The following VWC2 variants were observed in gnomAD, a reference collection of about 807,000 sequenced individuals.
VWC2 encodes the protein brorin.
In VWC2, 14 loss-of-function variants were observed where a neutral mutation model predicts 29.8. The observed-to-expected ratio is 0.47, with a 90% CI of 0.31 to 0.74. The LOEUF (loss-of-function observed/expected upper bound fraction) is 0.74, where lower values mean the gene tolerates loss of function less well. Among genes scored for constraint, VWC2 ranks in the 30% least tolerant of loss-of-function variants. The pLI is 0.05. For synonymous variants in VWC2, 213 were observed against 199.0 expected (o/e 1.07, Z -0.59); for missense variants, 457 against 459.8 (o/e 0.99, Z 0.05).
intron 3 of VWC2, among the ~76,000 whole-genome samples, chr7:49,865,162 A>T (rs1192524569): frequency 6.6e-6 from 1 of 152,228 alleles, no homozygotes; most frequent in East Asian, 1.9e-4. Flanking sequence ...AGAATATGCC[A>T]GTTCAGGAAG....
intron 3 of VWC2, among the ~76,000 whole-genome samples, chr7:49,859,607 A>C (rs2128719670): frequency 6.6e-6 from 1 of 152,284 alleles, no homozygotes; most frequent in African/African-American, 2.4e-5. Flanking sequence ...TGGGCTTTCC[A>C]TTCTGTTACA....
intron 3 of VWC2, among the ~76,000 whole-genome samples, chr7:49,822,246 C>A (rs1165457768): frequency 6.6e-6 from 1 of 151,818 alleles, no homozygotes; most frequent in African/African-American, 2.4e-5. Flanking sequence ...ATTGTTAATG[C>A]AGTTATGCCC....
At chr7:49,906,503 T>G (rs1489004671) in intron 3 of VWC2, among the ~76,000 whole-genome samples, 1 of 152,082 alleles carries the variant, frequency 6.6e-6, no homozygotes, top group East Asian at 1.9e-4. Flanking sequence ...ACCCAGCTAA[T>G]TTTTTTGTAT....
chr7:49,910,834 G>A (rs1414106569), intron 3 of VWC2, among the ~76,000 whole-genome samples: 1 of 152,136 alleles, frequency 6.6e-6, no homozygotes, highest in African/African-American at 2.4e-5. Context: ...CCCCAAACAA[G>A]CAGCATCCAC....
At chr7:49,877,290 C>T (rs1208266876) in intron 3 of VWC2, among the ~76,000 whole-genome samples, 3 of 150,190 alleles carry the variant, frequency 2.0e-5, no homozygotes, top group Admixed American at 6.6e-5. Context: ...GGGGGAGCCC[C>T]GTGTCTACTA....
At chr7:49,798,802 T>G (rs1026288642) in intron 2 of VWC2, among the ~76,000 whole-genome samples, 1 of 152,212 alleles carries the variant, frequency 6.6e-6, no homozygotes, top group African/African-American at 2.4e-5. Flanking sequence ...TTGTTTTATT[T>G]TGCTACTTTA....
Position 49,917,615 on chromosome 7 carries a change from C to G in VWC2, c.*5430C>G, listed in dbSNP as rs1469908758. On this transcript the variant is annotated 3_prime_UTR_variant, in exon 4 of 4. Coordinates refer to ENST00000340652, the MANE Select transcript of VWC2 (RefSeq NM_198570.5). ...TTATGAATACAGCCTGATGACTAAA[C>G]ACAATTGCAAATATTGCGACTTTAG... The G allele has an allele frequency of 6.6e-6, 1 of 152,118 alleles. No homozygotes were observed. The highest frequency in any genetic ancestry group is 1.5e-5 in the Non-Finnish European group (1 of 67,994). The allele number at this position is 152,118 out of a possible 1,614,324, so 9.4% of individuals were successfully genotyped here. A position where few individuals can be genotyped will look rare whatever the true frequency, so the allele number is the denominator to read the frequency against.
intron 2 of VWC2, among the ~76,000 whole-genome samples, chr7:49,799,516 G>A (rs1315728687): frequency 6.6e-6 from 1 of 152,352 alleles, no homozygotes; most frequent in Non-Finnish European, 1.5e-5. Flanking sequence ...ATTGAGGCAG[G>A]CCCAAACCTG....
intron 2 of VWC2, among the ~76,000 whole-genome samples, chr7:49,793,090 C>T (rs918241637): frequency 6.6e-6 from 1 of 152,212 alleles, no homozygotes; most frequent in Non-Finnish European, 1.5e-5. Context: ...GGAAGAGCTG[C>T]AGCCCAGTAA....
chr7:49,800,983 G>C (rs1788725203), intron 2 of VWC2, among the ~76,000 whole-genome samples: 1 of 150,968 alleles, frequency 6.6e-6, no homozygotes, highest in Non-Finnish European at 1.5e-5. Flanking sequence ...TCAGTGTTTT[G>C]TCTCAGGCTA....
chr7:49,906,580 C>G (rs531856788), intron 3 of VWC2, among the ~76,000 whole-genome samples: 160 of 152,310 alleles, frequency 1.1e-3, no homozygotes, highest in African/African-American at 3.8e-3. Flanking sequence ...TCGTGATCCA[C>G]CCACCTTGGC....
intron 3 of VWC2, among the ~76,000 whole-genome samples, chr7:49,907,496 A>G (rs1793170030): frequency 6.6e-6 from 1 of 152,228 alleles, no homozygotes; most frequent in African/African-American, 2.4e-5. Context: ...TTTAATAAAC[A>G]AGAGTCTGTC....
intron 3 of VWC2, among the ~76,000 whole-genome samples, chr7:49,897,395 A>C (rs969793627): frequency 2.0e-5 from 3 of 152,324 alleles, no homozygotes; most frequent in Middle Eastern, 3.4e-3. Flanking sequence ...TTTCTTTTAA[A>C]ATATTGATAA....
At chr7:49,901,538 A>G (rs1425618325) in intron 3 of VWC2, among the ~76,000 whole-genome samples, 1 of 151,906 alleles carries the variant, frequency 6.6e-6, no homozygotes, top group African/African-American at 2.4e-5. Context: ...ATATAAAATT[A>G]TGATAGAAAA....
chr7:49,776,217 A>G (rs531145883), intron 2 of VWC2, 86 bp downstream of exon 2: 3 of 1,201,124 alleles, frequency 2.5e-6, no homozygotes, highest in African/African-American at 3.1e-5. Flanking sequence ...CACTTTGAAG[A>G]AGAGGTGCTC....
In VWC2 at chr7:49,842,945, T is replaced by C. The variant is rs185637858; in HGVS notation, c.826+40105T>C. Among the ~76,000 whole-genome samples, 152 of 152,342 alleles carry C rather than the reference T, an allele frequency of 1.0e-3. 2 individuals carry two copies. Among genetic ancestry groups the C allele is most frequent in the African/African-American group, 3.4e-3 (141 of 41,568 alleles). On this transcript the variant is annotated intron_variant, in intron 3 of 3. Transcript: ENST00000340652. ...CAGAAGAATACATGTGCAGGTTTGATACCTGGGTGTACTGTGTGATGCTGA... is the reference window on the plus strand; with the variant it reads ...CAGAAGAATACATGTGCAGGTTTGACACCTGGGTGTACTGTGTGATGCTGA...
chr7:49,793,712 C>T (rs1196011580), intron 2 of VWC2, among the ~76,000 whole-genome samples: 2 of 152,148 alleles, frequency 1.3e-5, no homozygotes, highest in African/African-American at 4.8e-5. Flanking sequence ...TCTTAATGGT[C>T]AATTGTTTCT....
intron 2 of VWC2, among the ~76,000 whole-genome samples, chr7:49,792,340 C>A (rs889469203): frequency 6.6e-6 from 1 of 152,226 alleles, no homozygotes; most frequent in African/African-American, 2.4e-5. Context: ...AGATAACTTG[C>A]TCAGGGTCCC....
Position 49,794,656 on chromosome 7 carries a change from C to T in VWC2, c.697-8055C>T, listed in dbSNP as rs138284891. On this transcript the variant is annotated intron_variant, in intron 2 of 3. Transcript: ENST00000340652. ...AGGACCCTGAGCACAGGATATTCAT[C>T]ACCTCATTCCACATTCCCTGGGGTA... is the stretch of plus-strand genomic sequence containing the variant. Among the ~76,000 whole-genome samples, 328 of 152,322 alleles carry T rather than the reference C, an allele frequency of 2.2e-3. 1 individual carries two copies. The highest frequency in any genetic ancestry group is 7.4e-3 in the African/African-American group (309 of 41,556).
Sources: gnomAD v4.1 joint callset for allele counts (sites outside exome capture counted in the v4.1 genomes callset) on GRCh38, gnomAD v4.1.1 for gene constraint, MANE v1.5 for transcripts, NCBI Gene and HGNC (gene_info 2026-07-23, HGNC 2026-07-21) for gene names.